Variants in NCAPG2 observed in about 807,000 individuals in gnomAD.
NCAPG2 encodes the protein condensin-2 complex subunit G2.
NCAPG2 carries 53 observed loss-of-function variants against 141.1 expected under a neutral mutation model. The ratio of observed to expected loss-of-function variants is 0.38; its 90% CI spans 0.30 to 0.47. The LOEUF (loss-of-function observed/expected upper bound fraction) is 0.47. NCAPG2 is among the 20% of genes least tolerant of loss of function. The probability of loss-of-function intolerance (pLI) is 0.99; values close to 1 mark genes in which losing one functional copy is unlikely to be tolerated. For synonymous variants in NCAPG2, 499 were observed against 490.7 expected (o/e 1.02, Z -0.22); for missense variants, 1,087 against 1,389.0 (o/e 0.78, Z 3.46).
rs745931373 is a variant in NCAPG2, at chr7:158,693,493, T to A, written c.83A>T (p.Glu28Val). ...ATTTAGGCTGAAAGGATCAGAGGCC[T>A]CTTTCTGTAACATAAATAGCAAGTG... Reference protein sequence around the residue: ...EFLQFVQLDKEASDPFSLNEL... With the variant: ...EFLQFVQLDKVASDPFSLNEL... Residue 28 changes from glutamate (E) to valine (V), a missense_variant, in exon 3 of 28, where the codon GAG becomes GTG. Coordinates refer to ENST00000356309, the MANE Select transcript of NCAPG2 (RefSeq NM_017760.7). 18 of 1,606,710 alleles carry A rather than the reference T, an allele frequency of 1.1e-5. No individual in the cohort carries two copies. The highest frequency in any genetic ancestry group is 1.4e-5 in the Non-Finnish European group (17 of 1,176,458).
intron 11 of NCAPG2, among the ~76,000 whole-genome samples, chr7:158,676,132 A>C (rs1428681997): frequency 1.3e-5 from 2 of 152,224 alleles, no homozygotes; most frequent in Non-Finnish European, 2.9e-5. Flanking sequence ...GGAGTATTCG[A>C]CATCAACAGG....
Position 158,692,512 on chromosome 7 carries a change from C to T in NCAPG2, c.382+330G>A, listed in dbSNP as rs118005624. Among the ~76,000 whole-genome samples, 686 of 152,236 alleles carry T rather than the reference C, an allele frequency of 4.5e-3. 40 individuals are homozygous for T. In the East Asian group the frequency reaches 0.11, roughly 25 times the overall value. ...AGGCCAGCCACGTGGGAGGCTGAGA[C>T]GGGTGGATCACCTGAGGTCAGGAGT... On this transcript the variant is annotated intron_variant, in intron 4 of 27. Coordinates refer to ENST00000356309, the MANE Select transcript of NCAPG2 (RefSeq NM_017760.7).
At chr7:158,646,329 T>C in intron 25 of NCAPG2, 131 bp downstream of exon 25, 1 of 616,520 alleles carries the variant, frequency 1.6e-6, no homozygotes. Flanking sequence ...GAGAAAAAAT[T>C]ATATGAAACA....
At chr7:158,667,032 C>T in intron 13 of NCAPG2, 1 of 708,288 alleles carries the variant, frequency 1.4e-6, no homozygotes, top group Non-Finnish European at 1.7e-6. Flanking sequence ...GCCCTCCCGT[C>T]AGCTCCAACA....
chr7:158,702,712 T>C (rs1252625046), intron 1 of NCAPG2, among the ~76,000 whole-genome samples: 1 of 152,192 alleles, frequency 6.6e-6, no homozygotes, highest in African/African-American at 2.4e-5. Flanking sequence ...TAGAGCAATA[T>C]GGAAAATTAT....
chr7:158,660,323 C>T (rs541208652), intron 16 of NCAPG2, among the ~76,000 whole-genome samples: 1 of 151,824 alleles, frequency 6.6e-6, no homozygotes, highest in African/African-American at 2.4e-5. Flanking sequence ...CGCCAACCTA[C>T]CTGGTGTCCT....
intron 22 of NCAPG2, among the ~76,000 whole-genome samples, chr7:158,653,546 C>T (rs1452192967): frequency 2.0e-5 from 3 of 152,082 alleles, no homozygotes; most frequent in Non-Finnish European, 4.4e-5. Context: ...CCAGTGTTCT[C>T]CTAGCATCTA....
chr7:158,665,353 C>T, intron 13 of NCAPG2: 1 of 152,540 alleles, frequency 6.6e-6, no homozygotes, highest in East Asian at 1.9e-4. Flanking sequence ...TAGCGTCCCT[C>T]TTCTCAAAAG....
At chr7:158,675,444 TA>T in intron 12 of NCAPG2, 32 bp downstream of exon 12, 1 of 1,509,450 alleles carries the variant, frequency 6.6e-7, no homozygotes, top group Non-Finnish European at 8.9e-7. Context: ...CTACAACAAA[TA>T]AACATTACTT....
intron 8 of NCAPG2, among the ~76,000 whole-genome samples, chr7:158,683,753 C>A (rs918737898): frequency 1.4e-4 from 21 of 152,208 alleles, no homozygotes; most frequent in African/African-American, 5.1e-4. Context: ...ACCTGGACAA[C>A]CTTCAGAAGA....
chr7:158,701,833 C>T lies in NCAPG2; in HGVS notation c.67G>A (p.Val23Ile), dbSNP rs1282551283. Residue 23 changes from valine to isoleucine, a missense_variant, in exon 2 of 28, where the codon GTT (valine) becomes ATT (isoleucine). Val to Ile is a conservative substitution (Grantham distance 29, BLOSUM62 3). Transcript: ENST00000356309. ...KELVGEFLQF[V>I]QLDKEASDPF... ...AACATGAAACTTACATCAAGTTGAACAAATTGCAAAAACTCTCCAACCAGC... is the reference window on the plus strand; with the variant it reads ...AACATGAAACTTACATCAAGTTGAATAAATTGCAAAAACTCTCCAACCAGC... The T allele has an allele frequency of 6.2e-7, 1 of 1,612,930 alleles. No individual in the cohort carries two copies. Among genetic ancestry groups the T allele is most frequent in the South Asian group, 1.1e-5 (1 of 90,610 alleles).
intron 26 of NCAPG2, 132 bp from the exon 27 acceptor site, chr7:158,644,520 T>C (rs1221803693): frequency 2.7e-5 from 19 of 695,674 alleles, no homozygotes; most frequent in South Asian, 1.2e-4. Flanking sequence ...ACCTACATAC[T>C]GACCCGCGGA....
At chr7:158,664,814 T>C in intron 13 of NCAPG2, 64 bp from the exon 14 acceptor site, 1 of 1,401,770 alleles carries the variant, frequency 7.1e-7, no homozygotes, top group Non-Finnish European at 9.7e-7. Flanking sequence ...GGAAACAGCT[T>C]AAGAAAAATT....
intron 13 of NCAPG2, among the ~76,000 whole-genome samples, chr7:158,667,436 CCTTACCCACTACTGGGTCCCTCCGCCCG>C (rs1833136379): frequency 2.9e-4 from 29 of 100,982 alleles, no homozygotes; most frequent in African/African-American, 7.6e-4. Context: ...CCTCCGCCCT[CCTTACCCACTACTGGGTCCCTCCGCCCG>C]CCTTACCCAC....
chr7:158,662,089 T>G, intron 16 of NCAPG2, 105 bp downstream of exon 16: 101 of 1,106,628 alleles, frequency 9.1e-5, no homozygotes, highest in Non-Finnish European at 1.1e-4. Context: ...ATTTTACAGA[T>G]GAGAACACAG....
At chr7:158,700,420 CCT>C (rs1375514143) in intron 2 of NCAPG2, among the ~76,000 whole-genome samples, 1 of 152,172 alleles carries the variant, frequency 6.6e-6, no homozygotes, top group African/African-American at 2.4e-5. Flanking sequence ...GCTATTTTTA[CCT>C]CTGATTTTCA....
At chr7:158,666,922 A>G (rs934147766) in intron 13 of NCAPG2, among the ~76,000 whole-genome samples, 6 of 152,248 alleles carry the variant, frequency 3.9e-5, no homozygotes, top group African/African-American at 1.4e-4. Context: ...AGCTGCATGT[A>G]CAAGACCCTC....
At chr7:158,702,179 T>C (rs1198497904) in intron 1 of NCAPG2, 1 of 303,788 alleles carries the variant, frequency 3.3e-6, no homozygotes, top group African/African-American at 2.2e-5. Context: ...GTTAATAAAA[T>C]TACCAACTAA....
chr7:158,654,234 G>A (rs569955872), intron 22 of NCAPG2, among the ~76,000 whole-genome samples: 6 of 152,172 alleles, frequency 3.9e-5, no homozygotes, highest in East Asian at 3.9e-4. Flanking sequence ...TCTGACTCAC[G>A]CCCCCATCCA....
Sources: gnomAD v4.1 joint callset for allele counts (sites outside exome capture counted in the v4.1 genomes callset) on GRCh38, gnomAD v4.1.1 for gene constraint, MANE v1.5 for transcripts, NCBI Gene and HGNC (gene_info 2026-07-23, HGNC 2026-07-21) for gene names.